ADGRV1: variants seen among roughly 807,000 people sequenced by gnomAD.
ADGRV1 encodes G-protein coupled receptor 98.
ADGRV1 carries 359 observed loss-of-function variants against 596.2 expected under a neutral mutation model. The ratio of observed to expected loss-of-function variants is 0.60; its 90% confidence interval spans 0.55 to 0.66. The LOEUF (loss-of-function observed/expected upper bound fraction) is 0.66. Ranked by LOEUF, ADGRV1 falls within the 30% of genes least tolerant of loss-of-function variation. ADGRV1 has a pLI of 0.00. For missense variants in ADGRV1, 7,274 were observed against 7,575.6 expected (o/e 0.96, Z 1.48); for synonymous variants, 2,681 against 2,679.2 (o/e 1.00, Z -0.02).
In ADGRV1 at chr5:90,948,040, A is replaced by G. The variant is rs549987376; in HGVS notation, c.17857-17375A>G. The stretch of plus-strand genomic sequence containing the variant: ...CCTTTCCTTACAAAGGTGCTTGAGC[A>G]GAAATGTTTGAGATATACTAAATGA... On this transcript the variant is annotated intron_variant, in intron 83 of 89. Coordinates refer to ENST00000405460, the MANE Select transcript of ADGRV1 (RefSeq NM_032119.4). Among the ~76,000 whole-genome samples, 5 of 152,244 alleles carry G rather than the reference A, an allele frequency of 3.3e-5. No homozygotes were observed. In the East Asian group the frequency reaches 7.7e-4, roughly 24 times the overall value.
At chr5:91,123,222 C>G (rs556047971) in intron 87 of ADGRV1, among the ~76,000 whole-genome samples, 6 of 152,136 alleles carry the variant, frequency 3.9e-5, no homozygotes, top group Admixed American at 3.9e-4. Context: ...AGTGGCTATA[C>G]GTAATAAATA....
intron 29 of ADGRV1, among the ~76,000 whole-genome samples, chr5:90,688,577 G>A (rs1313873711): frequency 6.6e-6 from 1 of 152,004 alleles, no homozygotes; most frequent in African/African-American, 2.4e-5. Context: ...GGATGGTCTC[G>A]ATCTCTTGAC....
chr5:90,761,778 T>C (rs1054510192), intron 58 of ADGRV1, among the ~76,000 whole-genome samples: 3 of 152,252 alleles, frequency 2.0e-5, no homozygotes, highest in Non-Finnish European at 2.9e-5. Context: ...GCATGCGTGC[T>C]TGAGCTTTAA....
chr5:90,927,893 C>G (rs1182623112), intron 83 of ADGRV1, among the ~76,000 whole-genome samples: 1 of 152,036 alleles, frequency 6.6e-6, no homozygotes, highest in Admixed American at 6.5e-5. Flanking sequence ...ACTTATGAAG[C>G]GTAGTTTGGC....
intron 85 of ADGRV1, among the ~76,000 whole-genome samples, chr5:91,002,183 T>A (rs1781904865): frequency 2.0e-5 from 3 of 152,198 alleles, no homozygotes; most frequent in Admixed American, 2.0e-4. Context: ...GGTGGGCTCC[T>A]AAGTCCACAG....
At chr5:90,670,686 A>C (rs957437168) in intron 21 of ADGRV1, among the ~76,000 whole-genome samples, 1 of 152,064 alleles carries the variant, frequency 6.6e-6, no homozygotes, top group African/African-American at 2.4e-5. Flanking sequence ...CCCTCTTACC[A>C]AGACTGATGT....
At chr5:90,604,170 G>A (rs1273807294) in intron 1 of ADGRV1, among the ~76,000 whole-genome samples, 2 of 151,830 alleles carry the variant, frequency 1.3e-5, no homozygotes, top group Non-Finnish European at 1.5e-5. Flanking sequence ...TTTTTAAAAT[G>A]TGAAATCTAC....
intron 38 of ADGRV1, among the ~76,000 whole-genome samples, chr5:90,708,070 G>A (rs1160217858): frequency 6.6e-6 from 1 of 152,106 alleles, no homozygotes; most frequent in African/African-American, 2.4e-5. Flanking sequence ...GAGGAGAAAA[G>A]CATATGTTGG....
At chr5:90,590,800 C>G (rs966079469) in intron 1 of ADGRV1, among the ~76,000 whole-genome samples, 7 of 152,076 alleles carry the variant, frequency 4.6e-5, no homozygotes, top group African/African-American at 1.4e-4. Flanking sequence ...ACAGACATAT[C>G]TGTCATGTTA....
At chr5:90,783,811 A>C in intron 66 of ADGRV1, 27 bp from the exon 67 acceptor site, 2 of 1,529,632 alleles carry the variant, frequency 1.3e-6, no homozygotes, top group Non-Finnish European at 1.8e-6. Flanking sequence ...GTTTAGACTC[A>C]CAGAATTGCT....
At position 90,985,341 on chromosome 5, in the gene ADGRV1, TA is replaced by T. The variant is rs778111121; in HGVS notation, c.17974-2del. ...GTTCATTTTATGTTGTTTTCTTCCT[TA>T]GTCTGTGAATTTCTGGTACGTGCTG... is the stretch of plus-strand genomic sequence containing the variant. On this transcript the variant is annotated splice_acceptor_variant, in intron 84 of 89. Coordinates refer to ENST00000405460, the MANE Select transcript of ADGRV1 (RefSeq NM_032119.4). LOFTEE classifies it high-confidence loss of function. The T allele has an allele frequency of 1.2e-6, 2 of 1,600,786 alleles. No homozygotes were observed. The highest frequency in any genetic ancestry group is 1.7e-6 in the Non-Finnish European group (2 of 1,172,364).
chr5:91,080,881 T>G (rs1483387439), intron 86 of ADGRV1, among the ~76,000 whole-genome samples: 1 of 152,214 alleles, frequency 6.6e-6, no homozygotes, highest in African/African-American at 2.4e-5. Context: ...ACCCTTTCAA[T>G]ATGTAATTGG....
In ADGRV1 at chr5:90,683,208, T is replaced by A. The variant is rs1745170744; in HGVS notation, c.5665-378T>A. Among the ~76,000 whole-genome samples the A allele has an allele frequency of 2.1e-5, 3 of 143,352 alleles. No homozygotes were observed. In the South Asian group the frequency reaches 6.6e-4, roughly 32 times the overall value. 94.0% of individuals were successfully genotyped at this position (143,352 alleles called of 152,430 possible). A position where few individuals can be genotyped will look rare whatever the true frequency, so the allele number is the denominator to read the frequency against. ...ACAATCGCCTTTGAAATTTCAATTG[T>A]GTTTTATTTATTTTTTTTAAGAGAT... On this transcript the variant is annotated intron_variant, in intron 27 of 89. Transcript: ENST00000405460.
chr5:90,787,984 T>C (rs1229714645), intron 67 of ADGRV1, 87 bp from the exon 68 acceptor site: 1 of 907,128 alleles, frequency 1.1e-6, no homozygotes, highest in African/African-American at 1.7e-5. Context: ...TGTGTATATA[T>C]TTTCTTAATA....
chr5:90,612,275 T>C (rs538128049), intron 1 of ADGRV1, among the ~76,000 whole-genome samples: 15 of 152,224 alleles, frequency 9.9e-5, no homozygotes, highest in African/African-American at 3.1e-4. Flanking sequence ...ATGTAATGTT[T>C]ATTAGAGTAA....
At chr5:91,072,370 A>G in intron 85 of ADGRV1, 77 bp from the exon 86 acceptor site, 1 of 1,247,408 alleles carries the variant, frequency 8.0e-7, no homozygotes, top group Non-Finnish European at 1.2e-6. Context: ...AGTATAAAGT[A>G]GTGATGTGAT....
At chr5:90,929,787 A>AACTAATATGAT (rs1254457425) in intron 83 of ADGRV1, 2 of 152,254 alleles carry the variant, frequency 1.3e-5, no homozygotes, top group African/African-American at 4.8e-5. Flanking sequence ...TAGTTGGTAC[A>AACTAATATGAT]GTATGGATTA....
intron 36 of ADGRV1, among the ~76,000 whole-genome samples, chr5:90,704,945 G>T (rs376540798): frequency 2.6e-5 from 4 of 151,960 alleles, no homozygotes; most frequent in African/African-American, 9.7e-5. Context: ...CGAGTAGCTG[G>T]GACTACAGGC....
intron 83 of ADGRV1, among the ~76,000 whole-genome samples, chr5:90,965,116 A>G (rs139968186): frequency 6.6e-6 from 1 of 152,272 alleles, no homozygotes; most frequent in East Asian, 1.9e-4. Context: ...AAATAAATGT[A>G]TTTCATGGGA....
Sources: allele counts gnomAD v4.1 joint callset (sites outside exome capture counted in the v4.1 genomes callset), GRCh38; gene constraint gnomAD v4.1.1; transcripts MANE v1.5; gene names NCBI Gene and HGNC (gene_info 2026-07-23, HGNC 2026-07-21).